Variants in KNL1 observed in about 807,000 individuals in gnomAD.
The protein encoded by KNL1 is kinetochore scaffold 1.
KNL1 carries 66 observed loss-of-function variants against 201.3 expected under a neutral mutation model. The observed-to-expected ratio is 0.33, with a 90% CI of 0.27 to 0.40. The LOEUF (loss-of-function observed/expected upper bound fraction) is 0.40, where lower values mean the gene tolerates loss of function less well. Ranked by LOEUF, KNL1 falls within the 10% of genes least tolerant of loss-of-function variation. The pLI, the probability that KNL1 is intolerant of heterozygous loss-of-function variation, is 1.00. For synonymous variants in KNL1, 895 were observed against 899.2 expected (o/e 1.00, Z 0.08); for missense variants, 2,815 against 2,690.5 (o/e 1.05, Z -1.02).
chr15:40,617,359 A>G (rs1273865009), intron 8 of KNL1, among the ~76,000 whole-genome samples: 1 of 144,150 alleles, frequency 6.9e-6, no homozygotes. Flanking sequence ...AGTGCTATCC[A>G]AAGTGTCCAG....
intron 8 of KNL1, 106 bp downstream of exon 8, chr15:40,615,484 C>A: frequency 9.0e-6 from 2 of 222,586 alleles, no homozygotes; most frequent in Non-Finnish European, 7.7e-6. Context: ...AAAAAGCAAA[C>A]AGAGGCCAGG....
At chr15:40,647,716 C>T (rs1165648446) in intron 17 of KNL1, among the ~76,000 whole-genome samples, 2 of 152,178 alleles carry the variant, frequency 1.3e-5, no homozygotes, top group African/African-American at 4.8e-5. Flanking sequence ...CATAATTCTG[C>T]ATAGTCATCA....
intron 8 of KNL1, among the ~76,000 whole-genome samples, chr15:40,616,417 G>T (rs1595921101): frequency 6.6e-6 from 1 of 152,120 alleles, no homozygotes; most frequent in Non-Finnish European, 1.5e-5. Flanking sequence ...ATGAGCCACT[G>T]CACCCAGCCA....
At chr15:40,655,647 G>A (rs929655836) in intron 22 of KNL1, among the ~76,000 whole-genome samples, 1 of 151,204 alleles carries the variant, frequency 6.6e-6, no homozygotes, top group Admixed American at 6.6e-5. Context: ...GGGCATGGTG[G>A]CTCACGCCTG....
chr15:40,657,332 AT>A (rs770243730), intron 23 of KNL1, 22 bp from the exon 24 acceptor site: 33 of 1,430,526 alleles, frequency 2.3e-5, no homozygotes, highest in African/African-American at 2.8e-5. Context: ...ATTTCACTGG[AT>A]TTTTTTTCCC....
At chr15:40,596,497 C>T (rs1014655764) in intron 1 of KNL1, among the ~76,000 whole-genome samples, 8 of 151,858 alleles carry the variant, frequency 5.3e-5, no homozygotes, top group East Asian at 2.0e-4. Context: ...AGGCTGGTCT[C>T]GAACTCTTGA....
At chr15:40,639,280 C>A (rs1444083222) in intron 13 of KNL1, among the ~76,000 whole-genome samples, 1 of 150,620 alleles carries the variant, frequency 6.6e-6, no homozygotes, top group East Asian at 2.0e-4. Flanking sequence ...GTAGCAAAAC[C>A]CCATAACTAA....
At chr15:40,656,981 TATATAAA>T in intron 22 of KNL1, 54 bp from the exon 23 acceptor site, 1 of 707,204 alleles carries the variant, frequency 1.4e-6, no homozygotes, top group Non-Finnish European at 2.3e-6. Flanking sequence ...ATTTTTCACT[TATATAAA>T]ATATATGAAT....
At position 40,651,521 on chromosome 15, in the gene KNL1, A is replaced by G; in HGVS notation, c.6263A>G (p.Asp2088Gly). The G allele has an allele frequency of 6.2e-7, 1 of 1,610,416 alleles. No homozygotes were observed. Among genetic ancestry groups the G allele is most frequent in the Non-Finnish European group, 8.5e-7 (1 of 1,178,906 alleles). Residue 2088 changes from aspartate (D) to glycine (G), a missense_variant, in exon 20 of 26, where the codon GAC (aspartate) becomes GGC (glycine). By Grantham distance (94) the Asp-to-Gly change is moderately conservative. Coordinates refer to ENST00000399668, the MANE Select transcript of KNL1 (RefSeq NM_144508.5). ...AAAGAGCAGACCCTTGCTCAAATAG[A>G]CTTTATGCAAAAACAAAGAAATAGA... is the stretch of plus-strand genomic sequence containing the variant. ...VQKEQTLAQIDFMQKQRNRTE... is the reference protein window; with the variant it reads ...VQKEQTLAQIGFMQKQRNRTE...
chr15:40,655,459 TG>T (rs531068183), intron 22 of KNL1, among the ~76,000 whole-genome samples: 108 of 151,464 alleles, frequency 7.1e-4, no homozygotes, highest in African/African-American at 2.6e-3. Flanking sequence ...GGCGCGGTGA[TG>T]GGTGCCTGTA....
Position 40,645,662 on chromosome 15 carries a change from G to C in KNL1, c.5896G>C (p.Ala1966Pro). ...MRHCSDKELK[A>P]FGIYLNKIKS... ...CTATAACTTTCCCTTCCAGCTGAAG[G>C]CCTTTGGAATTTATCTTAACAAAAT... Residue 1966 changes from alanine to proline, a missense_variant, in exon 16 of 26, where the codon GCC becomes CCC. Physicochemically the swap from Ala to Pro is conservative, Grantham distance 27. This residue lies in a region of KNL1 where 2,464 missense variants were observed against 2,291.7 expected (regional missense o/e 1.08). Coordinates refer to ENST00000399668, the MANE Select transcript of KNL1 (RefSeq NM_144508.5). 1.9e-6 allele frequency: 3 copies of C among 1,581,974 alleles called. No homozygotes were observed. Among genetic ancestry groups the C allele is most frequent in the Non-Finnish European group, 2.6e-6 (3 of 1,157,526 alleles).
chr15:40,651,967 A>T, intron 20 of KNL1, 38 bp from the exon 21 acceptor site: 6 of 1,470,102 alleles, frequency 4.1e-6, no homozygotes, highest in Non-Finnish European at 5.7e-6. Context: ...TGTTAATTTT[A>T]AAAACGCTTT....
chr15:40,645,203 A>G lies in KNL1; in HGVS notation c.5889+116A>G, dbSNP rs376759565. ...GATGAGTTATTTAACTTATTTTTTA[A>G]GTGTAATGTGGTACCAAGGTCTTAT... On this transcript the variant is annotated intron_variant, in intron 15 of 25. Coordinates refer to ENST00000399668, the MANE Select transcript of KNL1 (RefSeq NM_144508.5). 8.5e-4 allele frequency: 557 copies of G among 653,892 alleles called. 9 individuals are homozygous for G. The South Asian group carries it at 0.01, about 12-fold the overall frequency. 40.5% of individuals were successfully genotyped at this position (653,892 alleles called of 1,614,324 possible). A position where few individuals can be genotyped will look rare whatever the true frequency, so the allele number is the denominator to read the frequency against.
Position 40,622,450 on chromosome 15 carries a change from A to C in KNL1, c.2186A>C (p.Asn729Thr), listed in dbSNP as rs1315089694. 1.2e-6 allele frequency: 2 copies of C among 1,613,860 alleles called. No individual in the cohort carries two copies. Among genetic ancestry groups the C allele is most frequent in the Non-Finnish European group, 1.7e-6 (2 of 1,179,914 alleles). The stretch of plus-strand genomic sequence containing the variant: ...ACAGTGAAATCTGTACTAGGCCAGA[A>C]TTCTAAACTGGCTGAGCCACTGAGG... ...SHTVKSVLGQNSKLAEPLRKS... is the reference protein window; with the variant it reads ...SHTVKSVLGQTSKLAEPLRKS... The change falls in exon 10 of 26, where the codon AAT becomes ACT. Residue 729 changes from asparagine (N) to threonine (T), a missense_variant. Transcript: ENST00000399668.
chr15:40,605,065 A>AT (rs1475261072), intron 2 of KNL1, 45 bp from the exon 3 acceptor site: 5 of 1,032,172 alleles, frequency 4.8e-6, no homozygotes, highest in African/African-American at 4.7e-5. Context: ...TTGTGAATTC[A>AT]TTTTTTTAAA....
intron 18 of KNL1, 36 bp downstream of exon 18, chr15:40,650,414 G>A (rs374750878): frequency 1.3e-6 from 2 of 1,570,958 alleles, no homozygotes; most frequent in Non-Finnish European, 1.8e-6. Flanking sequence ...ATGGGTGTGG[G>A]GGAAGCCCTT....
intron 18 of KNL1, 27 bp from the exon 19 acceptor site, chr15:40,650,517 G>GTTTTT: frequency 1.4e-6 from 2 of 1,417,294 alleles, no homozygotes; most frequent in East Asian, 2.5e-5. Context: ...TGTTTGTTCT[G>GTTTTT]TTTTTTTTTT....
intron 6 of KNL1, 90 bp downstream of exon 6, chr15:40,610,387 C>T (rs1892114501): frequency 1.4e-6 from 1 of 731,870 alleles, no homozygotes; most frequent in East Asian, 2.5e-5. Flanking sequence ...AACTTATTGT[C>T]TATCTTATTG....
chr15:40,620,579 TA>T, intron 9 of KNL1, 60 bp from the exon 10 acceptor site: 1 of 1,084,048 alleles, frequency 9.2e-7, no homozygotes, highest in Non-Finnish European at 1.3e-6. Flanking sequence ...ATACATGTTG[TA>T]AAATGCCTTT....
Sources: gnomAD v4.1 joint callset for allele counts (sites outside exome capture counted in the v4.1 genomes callset) on GRCh38, gnomAD v4.1.1 for gene constraint, gnomAD v4.1.1 regional missense constraint, MANE v1.5 for transcripts, NCBI Gene and HGNC (gene_info 2026-07-23, HGNC 2026-07-21) for gene names.